HSD11B1L: variants seen among roughly 807,000 people sequenced by gnomAD.
The protein encoded by HSD11B1L is hydroxysteroid 11-beta dehydrogenase 1 like.
A neutral mutation model predicts 27.0 loss-of-function variants in HSD11B1L; 22 were observed. The ratio of observed to expected loss-of-function variants is 0.81; its 90% confidence interval spans 0.58 to 1.16. The LOEUF (loss-of-function observed/expected upper bound fraction) is 1.16. Ranked by LOEUF, HSD11B1L falls within the 50% of genes most tolerant of loss-of-function variation. The pLI, the probability that HSD11B1L is intolerant of heterozygous loss-of-function variation, is 0.00. For missense variants in HSD11B1L, 372 were observed against 401.8 expected (o/e 0.93, Z 0.63); for synonymous variants, 187 against 189.2 (o/e 0.99, Z 0.09).
At position 5,686,523 on chromosome 19, in the gene HSD11B1L, G is replaced by A. The variant is rs1202625960; in HGVS notation, c.312G>A (p.Lys104=). 9 of 1,574,364 alleles carry A rather than the reference G, an allele frequency of 5.7e-6. No homozygotes were observed. Among genetic ancestry groups the A allele is most frequent in the African/African-American group, 1.3e-5 (1 of 74,756 alleles). The change falls in exon 4 of 8, where the codon AAG becomes AAA. Residue 104 remains lysine, a synonymous_variant. Coordinates refer to ENST00000339423, the MANE Select transcript of HSD11B1L (RefSeq NM_198706.3). ...GCGTGGTGCAGTTTGCGCTGGACAA[G>A]CTGGGTGAGGGGCTGGGCCTGAAGC... The part of the protein sequence containing the change: ...PESVVQFALD[K]LGGLDYLVLN...
In HSD11B1L at chr19:5,687,002, C is replaced by A. The variant is rs1418169562; in HGVS notation, c.408+11C>A. Reference sequence around the variant, plus strand: ...CGCTGGCTCATGCAGGTGCTCCGCTCCTCCGCGGCCCCGGCCCGCCCCTCT... The same window carrying A: ...CGCTGGCTCATGCAGGTGCTCCGCTACTCCGCGGCCCCGGCCCGCCCCTCT... On this transcript the variant is annotated intron_variant, in intron 5 of 7. Coordinates refer to ENST00000339423, the MANE Select transcript of HSD11B1L (RefSeq NM_198706.3). This position sits in a 1 kb window ranked among gnomAD's most constrained non-coding sequence, Gnocchi z 6.6. The A allele has an allele frequency of 6.5e-7, 1 of 1,538,538 alleles. No individual in the cohort carries two copies. The highest frequency in any genetic ancestry group is 8.8e-7 in the Non-Finnish European group (1 of 1,142,720).
rs1329224221 is a variant in HSD11B1L, at chr19:5,687,429, GGT to G, written c.502+56_502+57del. 5.0e-6 allele frequency: 8 copies of G among 1,601,074 alleles called. No individual in the cohort carries two copies. Among genetic ancestry groups the G allele is most frequent in the Non-Finnish European group, 6.8e-6 (8 of 1,177,426 alleles). ...GACGGGGAGTGGGGAGCTCGATGCGGGTGAGCCTGGAGGGTCTGGGCAGGCTT... is the reference window on the plus strand; with the variant it reads ...GACGGGGAGTGGGGAGCTCGATGCGGGAGCCTGGAGGGTCTGGGCAGGCTT... On this transcript the variant is annotated intron_variant, in intron 6 of 7. Coordinates refer to ENST00000339423, the MANE Select transcript of HSD11B1L (RefSeq NM_198706.3). This position sits in a 1 kb window ranked among gnomAD's most constrained non-coding sequence, Gnocchi z 6.6.
chr19:5,685,797 G>C lies in HSD11B1L; in HGVS notation c.205-619G>C, dbSNP rs557126091. ...CGCGAGCATGTAGTCCCAGCTACAT[G>C]GGAGGCTGAGTCAGGAGAATCACTT... is the stretch of plus-strand genomic sequence containing the variant. On this transcript the variant is annotated intron_variant, in intron 3 of 7. Coordinates refer to ENST00000339423, the MANE Select transcript of HSD11B1L (RefSeq NM_198706.3). The surrounding 1 kb of genome is among the most constrained non-coding windows in gnomAD (Gnocchi z 4.3). 1.1e-4 allele frequency among the ~76,000 whole-genome samples: 17 copies of C among 152,088 alleles called. No homozygotes were observed. The highest frequency in any genetic ancestry group is 4.1e-4 in the African/African-American group (17 of 41,466).
Position 5,687,584 on chromosome 19 carries a change from A to G in HSD11B1L, c.584A>G (p.Glu195Gly). 2 of 1,597,600 alleles carry G rather than the reference A, an allele frequency of 1.3e-6. No individual in the cohort carries two copies. Among genetic ancestry groups the G allele is most frequent in the Non-Finnish European group, 1.7e-6 (2 of 1,178,604 alleles). ...LDGFFGSLRRELDVQDVNVAI... is the reference protein window; with the variant it reads ...LDGFFGSLRRGLDVQDVNVAI... ...GGCTTCTTCGGCTCCCTGCGGCGGG[A>G]GCTGGACGTGCAGGACGTGAACGTG... The change falls in exon 7 of 8, where the codon GAG becomes GGG. Residue 195 changes from glutamate (E) to glycine (G), a missense_variant. Physicochemically the swap from Glu to Gly is moderately conservative, Grantham distance 98 (BLOSUM62 -2). Coordinates refer to ENST00000339423, the MANE Select transcript of HSD11B1L (RefSeq NM_198706.3). This position sits in a 1 kb window ranked among gnomAD's most constrained non-coding sequence, Gnocchi z 6.6.
At chr19:5,686,347 A>G in intron 3 of HSD11B1L, 69 bp from the exon 4 acceptor site, 1 of 1,090,496 alleles carries the variant, frequency 9.2e-7, no homozygotes, top group South Asian at 1.6e-5. Context: ...CCCTATGGCC[A>G]GCAGGTGCGG....
Position 5,687,569 on chromosome 19 carries a change from G to A in HSD11B1L, c.569G>A (p.Gly190Asp), listed in dbSNP as rs1252978548. 3 of 1,599,910 alleles carry A rather than the reference G, an allele frequency of 1.9e-6. No individual in the cohort carries two copies. The highest frequency in any genetic ancestry group is 2.2e-5 in the East Asian group (1 of 44,840). ...AAKFALDGFF[G>D]SLRRELDVQD... ...AAGTTTGCGCTGGACGGCTTCTTCG[G>A]CTCCCTGCGGCGGGAGCTGGACGTG... Residue 190 changes from glycine to aspartate, a missense_variant, in exon 7 of 8, where the codon GGC (glycine) becomes GAC (aspartate). Gly to Asp is a moderately conservative substitution (Grantham distance 94). Transcript: ENST00000339423. The surrounding 1 kb of genome is among the most constrained non-coding windows in gnomAD (Gnocchi z 6.6).
chr19:5,684,365 C>A, intron 1 of HSD11B1L: 1 of 331,168 alleles, frequency 3.0e-6, no homozygotes, highest in Non-Finnish European at 5.5e-6. Flanking sequence ...GAGAGCAAGC[C>A]ATTGGGTTAT....
Position 5,687,428 on chromosome 19 carries a change from G to T in HSD11B1L, c.502+53G>T. Reference sequence around the variant, plus strand: ...GGACGGGGAGTGGGGAGCTCGATGCGGGTGAGCCTGGAGGGTCTGGGCAGG... The same window carrying T: ...GGACGGGGAGTGGGGAGCTCGATGCTGGTGAGCCTGGAGGGTCTGGGCAGG... On this transcript the variant is annotated intron_variant, in intron 6 of 7. Transcript: ENST00000339423. The surrounding 1 kb of genome is among the most constrained non-coding windows in gnomAD (Gnocchi z 6.6). 6.2e-7 allele frequency: 1 copy of T among 1,600,892 alleles called. No individual in the cohort carries two copies.
chr19:5,681,360 C>T (rs1317736493), intron 1 of HSD11B1L, 89 bp downstream of exon 1: 3 of 152,356 alleles, frequency 2.0e-5, no homozygotes, highest in African/African-American at 7.2e-5. Context: ...AAGAAGGGGC[C>T]GATGCGTTCT....
chr19:5,682,358 A>G (rs1351347350), intron 1 of HSD11B1L, among the ~76,000 whole-genome samples: 1 of 152,078 alleles, frequency 6.6e-6, no homozygotes, highest in Non-Finnish European at 1.5e-5. Context: ...AGGCCAAAGG[A>G]AAGATGGGGG....
chr19:5,688,272 A>G lies in HSD11B1L; in HGVS notation c.*327A>G. ...CACGCCACCCTTGAGCCACCCATGGACCCCTCTCCATCTCCTGCCTGCGCC... is the reference window on the plus strand; with the variant it reads ...CACGCCACCCTTGAGCCACCCATGGGCCCCTCTCCATCTCCTGCCTGCGCC... On this transcript the variant is annotated 3_prime_UTR_variant, in exon 8 of 8. Transcript: ENST00000339423. 8.4e-7 allele frequency: 1 copy of G among 1,195,456 alleles called. No homozygotes were observed. Among genetic ancestry groups the G allele is most frequent in the Non-Finnish European group, 1.2e-6 (1 of 862,858 alleles). The allele number at this position is 1,195,456 out of a possible 1,614,324, so 74.1% of individuals were successfully genotyped here.
chr19:5,684,892 C>A lies in HSD11B1L; in HGVS notation c.60C>A (p.Asp20Glu), dbSNP rs549857184. The A allele has an allele frequency of 2.1e-4, 337 of 1,613,860 alleles. No individual in the cohort carries two copies. Among genetic ancestry groups the A allele is most frequent in the Admixed American group, 6.8e-4 (41 of 60,026 alleles). ...GALFFAYYWD[D>E]NFDPASLQGA... The stretch of plus-strand genomic sequence containing the variant: ...TGTTCTTCGCCTATTATTGGGATGA[C>A]AACTTCGACCCAGGTGAGCACCTGG... The change falls in exon 2 of 8, where the codon GAC becomes GAA. Residue 20 changes from aspartate (D) to glutamate (E), a missense_variant. Coordinates refer to ENST00000339423, the MANE Select transcript of HSD11B1L (RefSeq NM_198706.3).
chr19:5,685,247 G>C lies in HSD11B1L; in HGVS notation c.204+128G>C. The C allele has an allele frequency of 2.4e-6, 3 of 1,246,470 alleles. No homozygotes were observed. Among genetic ancestry groups the C allele is most frequent in the Non-Finnish European group, 3.4e-6 (3 of 883,144 alleles). 77.2% of individuals were successfully genotyped at this position (1,246,470 alleles called of 1,614,324 possible). ...TGGGCAAGTCGCCTAACCTCTCTGAGCCTCTCAGTTTCCTCATTTGCAAAA... is the reference window on the plus strand; with the variant it reads ...TGGGCAAGTCGCCTAACCTCTCTGACCCTCTCAGTTTCCTCATTTGCAAAA... On this transcript the variant is annotated intron_variant, in intron 3 of 7. Transcript: ENST00000339423. This position sits in a 1 kb window ranked among gnomAD's most constrained non-coding sequence, Gnocchi z 4.3.
intron 1 of HSD11B1L, among the ~76,000 whole-genome samples, chr19:5,682,884 C>T (rs1327714083): frequency 7.2e-6 from 1 of 137,940 alleles, no homozygotes; most frequent in East Asian, 2.3e-4. Flanking sequence ...GTGGGGCGAT[C>T]TCAGCTCACT....
chr19:5,688,202 G>T lies in HSD11B1L; in HGVS notation c.*257G>T. The T allele has an allele frequency of 1.3e-6, 2 of 1,544,052 alleles. No individual in the cohort carries two copies. The highest frequency in any genetic ancestry group is 2.4e-5 in the South Asian group (2 of 83,740). Reference sequence around the variant, plus strand: ...CCTGTTTGGCCATGATTGATGACGTGACTGCTTCCATTTTGCAGATGAGGA... The same window carrying T: ...CCTGTTTGGCCATGATTGATGACGTTACTGCTTCCATTTTGCAGATGAGGA... On this transcript the variant is annotated 3_prime_UTR_variant, in exon 8 of 8. Transcript: ENST00000339423.
At chr19:5,682,601 G>A (rs903064012) in intron 1 of HSD11B1L, among the ~76,000 whole-genome samples, 1 of 152,172 alleles carries the variant, frequency 6.6e-6, no homozygotes, top group Non-Finnish European at 1.5e-5. Flanking sequence ...AGAGAAGCAG[G>A]TATGGGGTGA....
chr19:5,686,387 G>T lies in HSD11B1L; in HGVS notation c.205-29G>T. The T allele has an allele frequency of 6.2e-6, 9 of 1,457,348 alleles. 1 individual carries two copies. Among genetic ancestry groups the T allele is most frequent in the Non-Finnish European group, 8.4e-6 (9 of 1,072,000 alleles). 90.3% of individuals were successfully genotyped at this position (1,457,348 alleles called of 1,614,324 possible). On this transcript the variant is annotated intron_variant, in intron 3 of 7. Coordinates refer to ENST00000339423, the MANE Select transcript of HSD11B1L (RefSeq NM_198706.3). ...GGGGGAAGCGCTGCTGTAGAGGAGA[G>T]GCCCACGGGCAGCTCTGGCCCCCCC...
intron 4 of HSD11B1L, 54 bp downstream of exon 4, chr19:5,686,581 G>T (rs2054698659): frequency 1.4e-6 from 2 of 1,383,748 alleles, no homozygotes; most frequent in Non-Finnish European, 2.0e-6. Context: ...AGGCCTTAGG[G>T]ACAGGACCAG....
chr19:5,686,949 C>A lies in HSD11B1L; in HGVS notation c.366C>A (p.Gly122=). The A allele has an allele frequency of 6.4e-7, 1 of 1,552,374 alleles. No individual in the cohort carries two copies. Among genetic ancestry groups the A allele is most frequent in the Admixed American group, 1.9e-5 (1 of 51,610 alleles). ...VLNHIGGAPA[G]TRARSPQATR... ...ACCACATCGGCGGCGCCCCGGCCGG[C>A]ACGCGAGCCCGCAGCCCCCAGGCAA... The change falls in exon 5 of 8, where the codon GGC becomes GGA. Residue 122 remains glycine (G), a synonymous_variant. Coordinates refer to ENST00000339423, the MANE Select transcript of HSD11B1L (RefSeq NM_198706.3).
Sources: gnomAD v4.1 joint callset for allele counts (sites outside exome capture counted in the v4.1 genomes callset) on GRCh38, gnomAD v4.1.1 for gene constraint, Gnocchi (gnomAD v3.1) non-coding constraint, MANE v1.5 for transcripts, NCBI Gene and HGNC (gene_info 2026-07-23, HGNC 2026-07-21) for gene names.